The following EYS variants were observed in gnomAD, a reference collection of about 807,000 sequenced individuals.
EYS encodes the protein protein eyes shut homolog.
Under a neutral mutation model 282.1 loss-of-function variants are expected in EYS, and 250 were observed. The observed-to-expected ratio is 0.89, with a 90% CI of 0.80 to 0.98. The LOEUF is 0.98. Ranked by LOEUF, EYS falls within the 50% of genes least tolerant of loss-of-function variation. EYS has a pLI of 0.00. For synonymous variants in EYS, 1,355 were observed against 1,282.9 expected (o/e 1.06, Z -1.20); for missense variants, 4,016 against 3,709.0 (o/e 1.08, Z -2.15).
intron 21 of EYS, among the ~76,000 whole-genome samples, chr6:64,816,292 G>A (rs541734000): frequency 2.0e-5 from 3 of 152,184 alleles, no homozygotes; most frequent in Middle Eastern, 3.4e-3. Flanking sequence ...GTAGTCCAGT[G>A]TTTTTAAATG....
At chr6:65,679,128 A>G (rs773971249) in intron 1 of EYS, among the ~76,000 whole-genome samples, 7 of 152,070 alleles carry the variant, frequency 4.6e-5, no homozygotes, top group Non-Finnish European at 8.8e-5. Context: ...TAGAACTACT[A>G]TATGATCTAG....
intron 31 of EYS, among the ~76,000 whole-genome samples, chr6:64,190,661 C>A (rs771598679): frequency 6.6e-6 from 1 of 152,086 alleles, no homozygotes; most frequent in African/African-American, 2.4e-5. Flanking sequence ...TTTGTGACAG[C>A]GATGAGACTG....
chr6:63,782,232 C>G (rs1562023703), intron 39 of EYS, among the ~76,000 whole-genome samples: 1 of 152,100 alleles, frequency 6.6e-6, no homozygotes, highest in Non-Finnish European at 1.5e-5. Flanking sequence ...GTTTCTCTGC[C>G]AGGCTTTGGT....
intron 22 of EYS, among the ~76,000 whole-genome samples, chr6:64,632,732 T>C (rs534611287): frequency 1.3e-5 from 2 of 152,116 alleles, no homozygotes; most frequent in East Asian, 3.8e-4. Flanking sequence ...AATAGGAGCA[T>C]CAGGTTGATA....
At chr6:63,848,693 C>A (rs1421606044) in intron 36 of EYS, among the ~76,000 whole-genome samples, 1 of 152,106 alleles carries the variant, frequency 6.6e-6, no homozygotes, top group Non-Finnish European at 1.5e-5. Flanking sequence ...ACCCTCAGAC[C>A]AGGAGATTCT....
chr6:64,215,858 G>A lies in EYS; in HGVS notation c.6424+14734C>T, dbSNP rs1582438969. 2.6e-5 allele frequency among the ~76,000 whole-genome samples: 4 copies of A among 152,224 alleles called. No individual in the cohort carries two copies. In the South Asian group the frequency reaches 6.2e-4, roughly 24 times the overall value. The stretch of plus-strand genomic sequence containing the variant: ...GAGAAAGGCATAGGATACTATAGAA[G>A]TGTAGATGATAAAAAATGACTTCCA... On this transcript the variant is annotated intron_variant, in intron 31 of 42. Transcript: ENST00000503581.
At chr6:65,607,929 C>A (rs1765857979) in intron 2 of EYS, among the ~76,000 whole-genome samples, 2 of 151,912 alleles carry the variant, frequency 1.3e-5, no homozygotes, top group African/African-American at 4.8e-5. Context: ...GCAGCAAAAG[C>A]AAAACACTCT....
intron 13 of EYS, among the ~76,000 whole-genome samples, chr6:65,003,998 T>A: frequency 6.8e-6 from 1 of 147,350 alleles, no homozygotes. Context: ...TTTCCCTCTT[T>A]CCTTCTTTTC....
Position 64,912,586 on chromosome 6 carries a change from G to A in EYS, c.2539C>T (p.His847Tyr), listed in dbSNP as rs145729428. The A allele has an allele frequency of 3.7e-5, 57 of 1,551,234 alleles. No homozygotes were observed. The African/African-American group carries it at 7.0e-4, about 19-fold the overall frequency. The part of the protein sequence containing the change: ...CPPLYTGQFC[H>Y]QRYNLCDLLH... Reference sequence around the variant, plus strand: ...AGGTCACAAAGGTTATAGCGTTGGTGGCAAAATTGTCCAGTATAAAGGGGT... The same window carrying A: ...AGGTCACAAAGGTTATAGCGTTGGTAGCAAAATTGTCCAGTATAAAGGGGT... Residue 847 changes from histidine to tyrosine, a missense_variant, in exon 16 of 43, where the codon CAC becomes TAC. Coordinates refer to ENST00000503581, the MANE Select transcript of EYS (RefSeq NM_001142800.2).
At chr6:65,671,426 A>G (rs1768387163) in intron 1 of EYS, among the ~76,000 whole-genome samples, 1 of 152,136 alleles carries the variant, frequency 6.6e-6, no homozygotes, top group Non-Finnish European at 1.5e-5. Context: ...TTTACCTAAA[A>G]AGAGGAATAA....
intron 41 of EYS, among the ~76,000 whole-genome samples, chr6:63,752,968 G>A (rs1200731045): frequency 2.0e-5 from 3 of 151,694 alleles, no homozygotes; most frequent in Non-Finnish European, 4.4e-5. Context: ...CTAGTTTTAT[G>A]TGCAGTCGTT....
At chr6:65,705,809 G>A (rs2149855993) in intron 1 of EYS, among the ~76,000 whole-genome samples, 1 of 151,864 alleles carries the variant, frequency 6.6e-6, no homozygotes, top group Middle Eastern at 3.4e-3. Context: ...GCCATTTTTA[G>A]GCCAATTAAA....
chr6:65,411,487 T>C (rs1441363091), intron 5 of EYS, among the ~76,000 whole-genome samples: 1 of 152,026 alleles, frequency 6.6e-6, no homozygotes, highest in African/African-American at 2.4e-5. Flanking sequence ...AACTAGAAAA[T>C]TGGCATTAGC....
chr6:65,283,785 T>A (rs1212468301), intron 12 of EYS, among the ~76,000 whole-genome samples: 1 of 152,130 alleles, frequency 6.6e-6, no homozygotes, highest in Non-Finnish European at 1.5e-5. Flanking sequence ...TAAAGAATTA[T>A]ACTTTTCAGT....
In EYS at chr6:65,405,363, T is replaced by G. The variant is rs746039939; in HGVS notation, c.867A>C (p.Pro289=). The change falls in exon 6 of 43, where the codon CCA becomes CCC. Residue 289 remains proline, a synonymous_variant. Transcript: ENST00000503581. ...AAGGTTTTGCTGACACCTCACAGAA[T>G]GGACCTTAAAAAAATCACACACAAG... ...ICECDEQFSG[P]FCEVSAKPCV... is the part of the protein sequence containing the mutation. The G allele has an allele frequency of 1.9e-6, 3 of 1,594,890 alleles. No individual in the cohort carries two copies. The highest frequency in any genetic ancestry group is 3.3e-4 in the Middle Eastern group (2 of 5,984).
At position 65,519,811 on chromosome 6, in the gene EYS, G is replaced by A. The variant is rs1237225370; in HGVS notation, c.-332-23818C>T. Among the ~76,000 whole-genome samples, 62 of 141,246 alleles carry A rather than the reference G, an allele frequency of 4.4e-4. 1 individual carries two copies. Among genetic ancestry groups the A allele is most frequent in the Non-Finnish European group, 2.7e-4 (18 of 66,250 alleles). The allele number at this position is 141,246 out of a possible 152,430, so 92.7% of individuals were successfully genotyped here. On this transcript the variant is annotated intron_variant, in intron 2 of 42. Transcript: ENST00000503581. ...GTTCACTGCAGCCTCAACCTCCCGC[G>A]GCTTAGGTGATCCTCCCACCTCAAC... is the stretch of plus-strand genomic sequence containing the variant.
intron 12 of EYS, among the ~76,000 whole-genome samples, chr6:65,096,019 A>AGAT (rs1297771548): frequency 6.6e-6 from 1 of 151,054 alleles, no homozygotes; most frequent in African/African-American, 2.4e-5. Context: ...ATCTGTTTGG[A>AGAT]GATGACAGGG....
At position 64,796,377 on chromosome 6, in the gene EYS, TC is replaced by T. The variant is rs144025740; in HGVS notation, c.3443+17000del. Reference sequence around the variant, plus strand: ...GACCAGTTGCTTTTCTACTACTACTTCCAGGAAGAAAAGACCAGCAGTGTGT... The same window carrying T: ...GACCAGTTGCTTTTCTACTACTACTTCAGGAAGAAAAGACCAGCAGTGTGT... On this transcript the variant is annotated intron_variant, in intron 22 of 42. Coordinates refer to ENST00000503581, the MANE Select transcript of EYS (RefSeq NM_001142800.2). Among the ~76,000 whole-genome samples, 451 of 152,152 alleles carry T rather than the reference TC, an allele frequency of 3.0e-3. 5 individuals carry two copies. The highest frequency in any genetic ancestry group is 0.01 in the African/African-American group (424 of 41,526).
At chr6:64,382,620 C>T (rs1772784218) in intron 29 of EYS, among the ~76,000 whole-genome samples, 1 of 152,072 alleles carries the variant, frequency 6.6e-6, no homozygotes, top group Non-Finnish European at 1.5e-5. Flanking sequence ...TACATCTAAA[C>T]CAGAGAGTGC....
Sources: gnomAD v4.1 joint callset for allele counts (sites outside exome capture counted in the v4.1 genomes callset) on GRCh38, gnomAD v4.1.1 for gene constraint, MANE v1.5 for transcripts, NCBI Gene and HGNC (gene_info 2026-07-23, HGNC 2026-07-21) for gene names.